Variants in SLCO1B1 observed in about 807,000 individuals in gnomAD.
SLCO1B1 encodes the protein solute carrier organic anion transporter family member 1B1, also known as OATP-2.
A neutral mutation model predicts 70.1 loss-of-function variants in SLCO1B1; 81 were observed. The ratio of observed to expected loss-of-function variants is 1.16; its 90% CI spans 0.97 to 1.39. The LOEUF (loss-of-function observed/expected upper bound fraction) is 1.39, where lower values mean the gene tolerates loss of function less well. SLCO1B1 is among the 40% of genes most tolerant of loss of function. The probability of loss-of-function intolerance (pLI) is 0.00; values close to 1 mark genes in which losing one functional copy is unlikely to be tolerated. For synonymous variants in SLCO1B1, 283 were observed against 271.5 expected (o/e 1.04, Z -0.42); for missense variants, 895 against 799.6 (o/e 1.12, Z -1.44).
intron 11 of SLCO1B1, among the ~76,000 whole-genome samples, chr12:21,214,596 C>A (rs1335277268): frequency 1.4e-5 from 2 of 140,286 alleles, no homozygotes; most frequent in African/African-American, 5.2e-5. Context: ...CCGCCCACTT[C>A]GAGCTTCCAG....
chr12:21,186,272 A>G (rs1462583734), intron 7 of SLCO1B1, among the ~76,000 whole-genome samples: 1 of 152,128 alleles, frequency 6.6e-6, no homozygotes, highest in Non-Finnish European at 1.5e-5. Context: ...TATACAATTG[A>G]CTGTAATATA....
intron 5 of SLCO1B1, among the ~76,000 whole-genome samples, chr12:21,178,044 T>C (rs933579206): frequency 1.3e-5 from 2 of 152,114 alleles, no homozygotes; most frequent in African/African-American, 4.8e-5. Context: ...ACAGATAATT[T>C]TTACTTGTTT....
chr12:21,166,922 G>A (rs1940693580), intron 2 of SLCO1B1, among the ~76,000 whole-genome samples: 1 of 152,080 alleles, frequency 6.6e-6, no homozygotes, highest in Admixed American at 6.6e-5. Context: ...TAGGTAAAGC[G>A]ACCTTGGTAC....
At chr12:21,186,176 A>G (rs1940959654) in intron 7 of SLCO1B1, among the ~76,000 whole-genome samples, 1 of 152,144 alleles carries the variant, frequency 6.6e-6, no homozygotes, top group Non-Finnish European at 1.5e-5. Context: ...ATTTAAGCAC[A>G]GAAACACATA....
At chr12:21,214,440 C>G (rs1053655872) in intron 11 of SLCO1B1, among the ~76,000 whole-genome samples, 2 of 146,924 alleles carry the variant, frequency 1.4e-5, no homozygotes, top group Non-Finnish European at 3.0e-5. Context: ...CAGCTGCGTG[C>G]CGGGAGAACC....
intron 7 of SLCO1B1, among the ~76,000 whole-genome samples, chr12:21,189,723 CAGGTTA>C (rs1416792003): frequency 3.3e-5 from 5 of 152,130 alleles, no homozygotes; most frequent in Non-Finnish European, 7.3e-5. Context: ...GCTGGGATTA[CAGGTTA>C]TCAGCCACTG....
intron 1 of SLCO1B1, among the ~76,000 whole-genome samples, chr12:21,135,008 T>C (rs1312990013): frequency 6.6e-6 from 1 of 152,200 alleles, no homozygotes; most frequent in Admixed American, 6.5e-5. Flanking sequence ...GCTTTAAATG[T>C]GTCCCAGAGA....
At chr12:21,143,330 C>G (rs1940336931) in intron 2 of SLCO1B1, among the ~76,000 whole-genome samples, 1 of 151,850 alleles carries the variant, frequency 6.6e-6, no homozygotes, top group African/African-American at 2.4e-5. Flanking sequence ...ATTTTATCAT[C>G]TAATTTCTTA....
intron 2 of SLCO1B1, among the ~76,000 whole-genome samples, chr12:21,163,857 T>C (rs1591804999): frequency 6.6e-6 from 1 of 151,616 alleles, no homozygotes; most frequent in East Asian, 1.9e-4. Flanking sequence ...CTATGACAGA[T>C]GGTAATCGAA....
At chr12:21,210,285 C>T (rs1941266623) in intron 11 of SLCO1B1, among the ~76,000 whole-genome samples, 1 of 127,678 alleles carries the variant, frequency 7.8e-6, no homozygotes, top group African/African-American at 3.0e-5. Context: ...TATGGCTAGC[C>T]AGTTTTCCCA....
intron 8 of SLCO1B1, among the ~76,000 whole-genome samples, chr12:21,199,914 G>A (rs1941136294): frequency 6.6e-6 from 1 of 151,840 alleles, no homozygotes; most frequent in African/African-American, 2.4e-5. Context: ...CAATTCTCCT[G>A]CCTCAGCCTC....
At chr12:21,204,402 T>C (rs892894280) in intron 10 of SLCO1B1, among the ~76,000 whole-genome samples, 5 of 151,874 alleles carry the variant, frequency 3.3e-5, no homozygotes, top group African/African-American at 1.2e-4. Context: ...TTCTTAGTAT[T>C]ACTTTCTAAT....
At chr12:21,133,869 GT>G (rs1392841088) in intron 1 of SLCO1B1, among the ~76,000 whole-genome samples, 6 of 152,138 alleles carry the variant, frequency 3.9e-5, no homozygotes, top group African/African-American at 1.4e-4. Context: ...CCAACATTAT[GT>G]TGAATAGGAG....
intron 14 of SLCO1B1, among the ~76,000 whole-genome samples, chr12:21,226,276 C>T (rs1006786095): frequency 6.6e-5 from 10 of 151,640 alleles, no homozygotes; most frequent in Non-Finnish European, 1.3e-4. Context: ...TAGCCAGTCA[C>T]GGTGGTGCAC....
intron 10 of SLCO1B1, among the ~76,000 whole-genome samples, chr12:21,204,413 A>G (rs1327081712): frequency 6.6e-6 from 1 of 151,806 alleles, no homozygotes; most frequent in Admixed American, 6.6e-5. Flanking sequence ...ACTTTCTAAT[A>G]TAGTACATGT....
intron 2 of SLCO1B1, among the ~76,000 whole-genome samples, chr12:21,143,856 C>A (rs1243723913): frequency 6.6e-6 from 1 of 152,026 alleles, no homozygotes; most frequent in Non-Finnish European, 1.5e-5. Context: ...GAGTGTCAAG[C>A]AACTGTGGAT....
chr12:21,133,444 T>C (rs1228429050), intron 1 of SLCO1B1, among the ~76,000 whole-genome samples: 1 of 152,218 alleles, frequency 6.6e-6, no homozygotes, highest in Non-Finnish European at 1.5e-5. Flanking sequence ...TTTCATGATA[T>C]TGATTCTTCC....
intron 1 of SLCO1B1, among the ~76,000 whole-genome samples, chr12:21,131,903 T>C (rs1940140501): frequency 6.6e-6 from 1 of 152,160 alleles, no homozygotes; most frequent in Non-Finnish European, 1.5e-5. Flanking sequence ...TTGTTACATA[T>C]GTATACATGT....
intron 2 of SLCO1B1, among the ~76,000 whole-genome samples, chr12:21,143,962 A>G (rs1295966737): frequency 6.6e-6 from 1 of 152,092 alleles, no homozygotes. Flanking sequence ...ATAAGTGCAA[A>G]TTGATAATAT....
Sources: gnomAD v4.1 joint callset for allele counts (sites outside exome capture counted in the v4.1 genomes callset) on GRCh38, gnomAD v4.1.1 for gene constraint, MANE v1.5 for transcripts, NCBI Gene and HGNC (gene_info 2026-07-23, HGNC 2026-07-21) for gene names.